DIS3L2: variants seen among roughly 807,000 people sequenced by gnomAD.
The protein encoded by DIS3L2 is DIS3-like exonuclease 2.
In DIS3L2, 34 loss-of-function variants were observed where a neutral mutation model predicts 97.5. That is an observed-to-expected ratio of 0.35 (90% CI 0.27 to 0.46). DIS3L2 has a LOEUF of 0.46. Ranked by LOEUF, DIS3L2 falls within the 20% of genes least tolerant of loss-of-function variation. The pLI, the probability that DIS3L2 is intolerant of heterozygous loss-of-function variation, is 1.00. For missense variants in DIS3L2, 1,038 were observed against 1,146.0 expected (o/e 0.91, Z 1.36); for synonymous variants, 435 against 445.2 (o/e 0.98, Z 0.29).
chr2:231,989,597 G>A (rs1485406546), intron 1 of DIS3L2, among the ~76,000 whole-genome samples: 2 of 152,126 alleles, frequency 1.3e-5, no homozygotes, highest in Admixed American at 1.3e-4. Context: ...TGCACTGAGG[G>A]AGGCTGAGGC....
intron 9 of DIS3L2, among the ~76,000 whole-genome samples, chr2:232,182,557 A>G (rs1462212235): frequency 6.6e-6 from 1 of 151,942 alleles, no homozygotes; most frequent in Admixed American, 6.6e-5. Flanking sequence ...TTTCTCCCTT[A>G]AGTTCTGCCA....
chr2:232,026,709 T>C (rs1429724373), intron 4 of DIS3L2, among the ~76,000 whole-genome samples: 1 of 152,120 alleles, frequency 6.6e-6, no homozygotes, highest in African/African-American at 2.4e-5. Flanking sequence ...TCCTGCAAGC[T>C]AAATTCAAGT....
intron 6 of DIS3L2, among the ~76,000 whole-genome samples, chr2:232,097,414 C>A (rs1397515571): frequency 6.6e-6 from 1 of 152,100 alleles, no homozygotes; most frequent in East Asian, 1.9e-4. Flanking sequence ...TAACCACAAC[C>A]CAACAACCTG....
Position 232,263,214 on chromosome 2 carries a change from A to G in DIS3L2, c.1433A>G (p.Asp478Gly), listed in dbSNP as rs1266855678. The change falls in exon 13 of 21, where the codon GAT (aspartate) becomes GGT (glycine). Residue 478 changes from aspartate to glycine, a missense_variant. Coordinates refer to ENST00000325385, the MANE Select transcript of DIS3L2 (RefSeq NM_152383.5). ...WTLTPEGKIL[D>G]EWFGRTIIRS... ...ATCTGTCCATCTTTGCAGATCCTTG[A>G]TGAATGGTTTGGCCGGACCATCATC... 1.9e-6 allele frequency: 3 copies of G among 1,614,204 alleles called. No individual in the cohort carries two copies. In the African/African-American group the frequency reaches 4.0e-5, roughly 22 times the overall value.
intron 13 of DIS3L2, among the ~76,000 whole-genome samples, chr2:232,282,142 T>TA (rs60408194): frequency 0.2 from 21,037 of 106,980 alleles, 2,560 homozygotes; most frequent in Non-Finnish European, 0.28. Context: ...CTCGTTTATT[T>TA]AAAAAAAAAA....
intron 1 of DIS3L2, among the ~76,000 whole-genome samples, chr2:231,990,013 T>G (rs756299548): frequency 4.6e-5 from 7 of 152,184 alleles, no homozygotes; most frequent in Admixed American, 6.5e-5. Context: ...AATTTTACTG[T>G]TGTTGCCTAG....
intron 6 of DIS3L2, among the ~76,000 whole-genome samples, chr2:232,117,523 C>A (rs1471124180): frequency 6.6e-6 from 1 of 152,194 alleles, no homozygotes; most frequent in Non-Finnish European, 1.5e-5. Flanking sequence ...CCTGTTACCT[C>A]TTGAACTAGC....
At chr2:232,228,830 A>G (rs1003439490) in intron 10 of DIS3L2, among the ~76,000 whole-genome samples, 2 of 152,228 alleles carry the variant, frequency 1.3e-5, no homozygotes, top group Admixed American at 1.3e-4. Context: ...GCAAAAAGAA[A>G]AATTCAAAAT....
chr2:232,216,450 C>T (rs998940379), intron 10 of DIS3L2, among the ~76,000 whole-genome samples: 2 of 152,222 alleles, frequency 1.3e-5, no homozygotes, highest in Admixed American at 6.5e-5. Context: ...TTGGTGTCCC[C>T]TGTGCCTGGT....
In DIS3L2 at chr2:232,109,440, C is replaced by G. The variant is rs142675595; in HGVS notation, c.602-21179C>G. Among the ~76,000 whole-genome samples the G allele has an allele frequency of 5.9e-3, 894 of 151,042 alleles. 6 individuals carry two copies. Among genetic ancestry groups the G allele is most frequent in the African/African-American group, 0.02 (824 of 41,132 alleles). On this transcript the variant is annotated intron_variant, in intron 6 of 20. Transcript: ENST00000325385. ...TGGGCGACAGAGCGAGACTCAGTCT[C>G]AAAAAGATAAAAATAAATAAATAAA...
At chr2:232,102,043 C>G (rs1194898045) in intron 6 of DIS3L2, among the ~76,000 whole-genome samples, 2 of 152,208 alleles carry the variant, frequency 1.3e-5, no homozygotes, top group Non-Finnish European at 2.9e-5. Flanking sequence ...ACCAACTGAT[C>G]AAGCTTAGCA....
At chr2:232,271,435 T>C (rs996116223) in intron 13 of DIS3L2, among the ~76,000 whole-genome samples, 3 of 152,192 alleles carry the variant, frequency 2.0e-5, no homozygotes, top group Admixed American at 1.3e-4. Context: ...CCCATAAGAA[T>C]TGCTACACTT....
At chr2:232,289,874 AG>A (rs1298908962) in intron 13 of DIS3L2, among the ~76,000 whole-genome samples, 1 of 152,220 alleles carries the variant, frequency 6.6e-6, no homozygotes, top group African/African-American at 2.4e-5. Context: ...TGCTGAGGGC[AG>A]GACCACAAGC....
At chr2:231,983,215 G>A (rs959447872) in intron 1 of DIS3L2, among the ~76,000 whole-genome samples, 3 of 152,168 alleles carry the variant, frequency 2.0e-5, no homozygotes, top group African/African-American at 2.4e-5. Context: ...TACTGAGGCT[G>A]CCATAGGAAA....
intron 14 of DIS3L2, among the ~76,000 whole-genome samples, chr2:232,301,690 T>C: frequency 6.6e-6 from 1 of 152,194 alleles, no homozygotes; most frequent in East Asian, 1.9e-4. Context: ...GACTCTCTGC[T>C]CTTTGGGAAA....
chr2:232,339,973 G>T (rs1054458085), downstream of DIS3L2, among the ~76,000 whole-genome samples: 6 of 152,136 alleles, frequency 3.9e-5, no homozygotes, highest in African/African-American at 1.4e-4. Flanking sequence ...AGAGAGCAGG[G>T]TACACTTGCT....
At chr2:231,992,422 G>C (rs183219713) in intron 1 of DIS3L2, among the ~76,000 whole-genome samples, 1 of 152,022 alleles carries the variant, frequency 6.6e-6, no homozygotes, top group African/African-American at 2.4e-5. Context: ...TGGCTCCACC[G>C]TGTCACCTCT....
chr2:232,036,877 C>T (rs1054208272), intron 5 of DIS3L2, among the ~76,000 whole-genome samples: 4 of 152,162 alleles, frequency 2.6e-5, no homozygotes, highest in Admixed American at 2.6e-4. Context: ...AGATTGCTGC[C>T]TCCTCCTTCC....
At chr2:232,024,356 C>A (rs1216993120) in intron 4 of DIS3L2, 26 bp downstream of exon 4, 6 of 1,534,820 alleles carry the variant, frequency 3.9e-6, no homozygotes, top group Admixed American at 1.8e-5. Context: ...TTATAATAAA[C>A]TTTATGTCAC....
Sources: allele counts gnomAD v4.1 joint callset (sites outside exome capture counted in the v4.1 genomes callset), GRCh38; gene constraint gnomAD v4.1.1; transcripts MANE v1.5; gene names NCBI Gene and HGNC (gene_info 2026-07-23, HGNC 2026-07-21).